Variants in KY observed in about 807,000 individuals in gnomAD.
KY encodes kyphoscoliosis peptidase.
In KY, 43 loss-of-function variants were observed where a neutral mutation model predicts 76.1. The observed-to-expected ratio is 0.57, with a 90% CI of 0.44 to 0.73. KY has a LOEUF of 0.73. KY is among the 30% of genes least tolerant of loss of function. The probability of loss-of-function intolerance (pLI) is 0.00; values close to 1 mark genes in which losing one functional copy is unlikely to be tolerated. For synonymous variants in KY, 277 were observed against 326.2 expected (o/e 0.85, Z 1.63); for missense variants, 722 against 828.9 (o/e 0.87, Z 1.58).
intron 3 of KY, among the ~76,000 whole-genome samples, chr3:134,638,632 G>A (rs558303703): frequency 2.1e-3 from 323 of 152,236 alleles, no homozygotes; most frequent in African/African-American, 7.2e-3. Context: ...CCTAGACCCC[G>A]CCAGCTCTCC....
rs775997586 is a variant in KY, at chr3:134,643,351, T to G, written c.227A>C (p.Gln76Pro). ...GTAGGAAGTGATGACCTGGGGCTGC[T>G]GAGGGTGCTGCTTCTCCACCAAGTT... ...HENLVEKQHP[Q>P]QPQVITSYNS... is the part of the protein sequence containing the mutation. The change falls in exon 3 of 11, where the codon CAG becomes CCG. Residue 76 changes from glutamine to proline, a missense_variant. Transcript: ENST00000423778. 3.1e-6 allele frequency: 5 copies of G among 1,613,858 alleles called. No individual in the cohort carries two copies. In the South Asian group the frequency reaches 5.5e-5, roughly 18 times the overall value.
At chr3:134,641,452 A>G (rs1308364181) in intron 3 of KY, among the ~76,000 whole-genome samples, 1 of 152,146 alleles carries the variant, frequency 6.6e-6, no homozygotes, top group East Asian at 1.9e-4. Flanking sequence ...AGGCAATGTG[A>G]CAATGGAAGC....
At chr3:134,609,310 T>G (rs1023354475) in intron 9 of KY, among the ~76,000 whole-genome samples, 1 of 152,052 alleles carries the variant, frequency 6.6e-6, no homozygotes, top group African/African-American at 2.4e-5. Context: ...TCTCTGGATG[T>G]CAGTAATGGG....
At chr3:134,613,373 C>T (rs1960888835) in intron 8 of KY, among the ~76,000 whole-genome samples, 1 of 152,108 alleles carries the variant, frequency 6.6e-6, no homozygotes, top group Non-Finnish European at 1.5e-5. Context: ...AAAACCAAGT[C>T]AGGGAGCAGC....
intron 3 of KY, among the ~76,000 whole-genome samples, chr3:134,637,425 G>C (rs761356775): frequency 5.9e-5 from 9 of 152,148 alleles, no homozygotes; most frequent in Non-Finnish European, 1.2e-4. Flanking sequence ...AATGAATTGA[G>C]AAACATGTTC....
intron 3 of KY, among the ~76,000 whole-genome samples, chr3:134,633,994 C>T (rs955074917): frequency 6.6e-6 from 1 of 152,138 alleles, no homozygotes; most frequent in Non-Finnish European, 1.5e-5. Context: ...TAAAAATAAC[C>T]ATTTCCCATA....
rs1359072914 is a variant in KY at position 134,601,774 on chromosome 3, G to A, written c.*1805C>T. Reference sequence around the variant, plus strand: ...GGATGATGGGCACCCTTGTGAGCTGGTTCTGGGCTAGGCCACCGTGCTGGG... The same window carrying A: ...GGATGATGGGCACCCTTGTGAGCTGATTCTGGGCTAGGCCACCGTGCTGGG... On this transcript the variant is annotated 3_prime_UTR_variant, in exon 11 of 11. Coordinates refer to ENST00000423778, the MANE Select transcript of KY (RefSeq NM_178554.6). Among the ~76,000 whole-genome samples, 1 of 152,212 alleles carries A rather than the reference G, an allele frequency of 6.6e-6. No individual in the cohort carries two copies. Among genetic ancestry groups the A allele is most frequent in the East Asian group, 1.9e-4 (1 of 5,186 alleles).
intron 2 of KY, among the ~76,000 whole-genome samples, chr3:134,644,357 A>C (rs1326286519): frequency 5.3e-5 from 8 of 152,210 alleles, no homozygotes; most frequent in Admixed American, 2.0e-4. Flanking sequence ...GCCATAGGCC[A>C]AGAAGCGGGA....
At chr3:134,639,003 G>C (rs1037554833) in intron 3 of KY, among the ~76,000 whole-genome samples, 1 of 150,948 alleles carries the variant, frequency 6.6e-6, no homozygotes, top group Non-Finnish European at 1.5e-5. Context: ...ATTGGTTTAA[G>C]GTGTTTGTTA....
chr3:134,609,664 G>T (rs1959983234), intron 9 of KY, among the ~76,000 whole-genome samples: 1 of 152,278 alleles, frequency 6.6e-6, no homozygotes, highest in African/African-American at 2.4e-5. Flanking sequence ...CACCCCGGCT[G>T]CCCTGCCCCA....
chr3:134,641,756 C>T (rs1489242285), intron 3 of KY, among the ~76,000 whole-genome samples: 1 of 152,178 alleles, frequency 6.6e-6, no homozygotes, highest in African/African-American at 2.4e-5. Context: ...CCTTATCATC[C>T]TTCCTGCTTT....
chr3:134,628,129 G>T, intron 4 of KY: 1 of 376,486 alleles, frequency 2.7e-6, no homozygotes, highest in Non-Finnish European at 4.9e-6. Flanking sequence ...GGAACCTGGT[G>T]TTCCTGCCCT....
chr3:134,627,110 C>T (rs1451863249), intron 5 of KY, among the ~76,000 whole-genome samples: 8 of 152,192 alleles, frequency 5.3e-5, no homozygotes, highest in Non-Finnish European at 1.5e-5. Flanking sequence ...CATTTTCCAA[C>T]ATCTGAACAT....
At chr3:134,624,214 T>C (rs1290898014) in intron 6 of KY, among the ~76,000 whole-genome samples, 2 of 152,032 alleles carry the variant, frequency 1.3e-5, no homozygotes, top group Admixed American at 1.3e-4. Context: ...GGTGTTAGAG[T>C]TCTTCCCCTC....
chr3:134,636,755 A>G (rs1965033477), intron 3 of KY, among the ~76,000 whole-genome samples: 1 of 152,238 alleles, frequency 6.6e-6, no homozygotes, highest in African/African-American at 2.4e-5. Flanking sequence ...AATAGATCAC[A>G]TATTCACTCA....
intron 8 of KY, among the ~76,000 whole-genome samples, chr3:134,614,135 A>T (rs1961057478): frequency 6.6e-6 from 1 of 152,176 alleles, no homozygotes; most frequent in Non-Finnish European, 1.5e-5. Context: ...CCCAGTCTAT[A>T]AGCAAAGACC....
At chr3:134,636,244 G>T (rs1212317611) in intron 3 of KY, among the ~76,000 whole-genome samples, 1 of 152,200 alleles carries the variant, frequency 6.6e-6, no homozygotes, top group Non-Finnish European at 1.5e-5. Context: ...ATCAATCTAT[G>T]ATCTTATCAG....
Position 134,604,319 on chromosome 3 carries a change from T to C in KY, c.1246A>G (p.Ile416Val). 1 of 1,613,956 alleles carries C rather than the reference T, an allele frequency of 6.2e-7. No individual in the cohort carries two copies. Among genetic ancestry groups the C allele is most frequent in the South Asian group, 1.1e-5 (1 of 91,074 alleles). ...PPTMGTHKLQ[I>V]FAKGNSDIYS... ...ATGTCGGAGTTGCCCTTGGCAAAGA[T>C]CTGCAGCTTGTGAGTGCCCATGGTT... The change falls in exon 11 of 11, where the codon ATC becomes GTC. Residue 416 changes from isoleucine to valine, a missense_variant. By Grantham distance (29) the Ile-to-Val change is conservative. Transcript: ENST00000423778.
chr3:134,649,747 C>T (rs1966840377), intron 1 of KY, among the ~76,000 whole-genome samples: 1 of 152,350 alleles, frequency 6.6e-6, no homozygotes, highest in South Asian at 2.1e-4. Context: ...GCAGCTCCAG[C>T]CTATGTGGCT....
Sources: allele counts gnomAD v4.1 joint callset (sites outside exome capture counted in the v4.1 genomes callset), GRCh38; gene constraint gnomAD v4.1.1; transcripts MANE v1.5; gene names NCBI Gene and HGNC (gene_info 2026-07-23, HGNC 2026-07-21).